The following DAB1 variants were observed in gnomAD, a reference collection of about 807,000 sequenced individuals.
The protein encoded by DAB1 is DAB adaptor protein 1, also known as disabled homolog 1.
In DAB1, 15 loss-of-function variants were observed where a neutral mutation model predicts 64.6. That is an observed-to-expected ratio of 0.23 (90% CI 0.16 to 0.36). The LOEUF (loss-of-function observed/expected upper bound fraction) is 0.36. DAB1 is among the 10% of genes least tolerant of loss of function. DAB1 has a pLI of 1.00. For missense variants in DAB1, 596 were observed against 706.7 expected (o/e 0.84, Z 1.78); for synonymous variants, 235 against 251.9 (o/e 0.93, Z 0.64).
chr1:57,018,353 G>C (rs1033308584), intron 11 of DAB1, among the ~76,000 whole-genome samples: 1 of 152,060 alleles, frequency 6.6e-6, no homozygotes, highest in Non-Finnish European at 1.5e-5. Flanking sequence ...CTACTTACAG[G>C]TATATACATC....
intron 1 of DAB1, chr1:58,534,369 A>C (rs764722422): frequency 1.3e-6 from 1 of 797,988 alleles, no homozygotes; most frequent in Non-Finnish European, 2.1e-6. Flanking sequence ...TTAAAAGAGC[A>C]CTACAAAATG....
chr1:57,067,869 T>C (rs1486385429), intron 8 of DAB1, among the ~76,000 whole-genome samples: 1 of 152,158 alleles, frequency 6.6e-6, no homozygotes, highest in East Asian at 1.9e-4. Flanking sequence ...ATTCTACACA[T>C]GAGCTTGTGA....
chr1:57,080,752 A>G (rs1225615989), intron 4 of DAB1, among the ~76,000 whole-genome samples: 2 of 138,754 alleles, frequency 1.4e-5, no homozygotes, highest in Admixed American at 7.0e-5. Context: ...ACACACACAC[A>G]CACGCACACA....
chr1:57,201,355 C>T (rs60372017), intron 2 of DAB1, among the ~76,000 whole-genome samples: 4,327 of 151,858 alleles, frequency 0.028, 230 homozygotes, highest in African/African-American at 0.099. Flanking sequence ...CCAAATCCTT[C>T]CCAGGAACCA....
intron 1 of DAB1, among the ~76,000 whole-genome samples, chr1:57,335,288 T>C (rs375525236): frequency 6.6e-6 from 1 of 151,852 alleles, no homozygotes; most frequent in Non-Finnish European, 1.5e-5. Flanking sequence ...AAATGGGACA[T>C]AGTTGAACAA....
intron 1 of DAB1, among the ~76,000 whole-genome samples, chr1:57,831,593 G>A (rs1166889255): frequency 1.4e-5 from 2 of 142,318 alleles, no homozygotes; most frequent in African/African-American, 5.2e-5. Context: ...CCAGGCTGGA[G>A]TGCAGTGACA....
chr1:57,517,783 T>G (rs929769316), intron 7 of DAB1, among the ~76,000 whole-genome samples: 1 of 152,222 alleles, frequency 6.6e-6, no homozygotes. Context: ...GTAACAATGA[T>G]AGCCACTACA....
chr1:57,528,514 T>C (rs1644619891), intron 7 of DAB1, among the ~76,000 whole-genome samples: 1 of 152,078 alleles, frequency 6.6e-6, no homozygotes, highest in Non-Finnish European at 1.5e-5. Context: ...TTTGATTTTT[T>C]AAAACGTGTA....
chr1:57,519,142 G>T (rs565999191), intron 7 of DAB1, among the ~76,000 whole-genome samples: 7 of 152,052 alleles, frequency 4.6e-5, no homozygotes, highest in Non-Finnish European at 7.3e-5. Context: ...CTATTACTTC[G>T]AGTCTCAGCA....
intron 7 of DAB1, among the ~76,000 whole-genome samples, chr1:57,541,932 G>T (rs1020680075): frequency 6.6e-6 from 1 of 152,128 alleles, no homozygotes; most frequent in Non-Finnish European, 1.5e-5. Context: ...TAAACCGCAG[G>T]GGGCTGTGCA....
intron 6 of DAB1, among the ~76,000 whole-genome samples, chr1:57,754,975 C>T (rs1648734043): frequency 6.6e-6 from 1 of 151,780 alleles, no homozygotes; most frequent in South Asian, 2.1e-4. Context: ...AAACTCAGTT[C>T]CCTGAATGAC....
At chr1:57,243,326 T>C (rs1303069834) in intron 2 of DAB1, among the ~76,000 whole-genome samples, 1 of 152,162 alleles carries the variant, frequency 6.6e-6, no homozygotes, top group Non-Finnish European at 1.5e-5. Flanking sequence ...AAAAAATCCA[T>C]AGAAGATTAG....
At chr1:57,197,286 A>C (rs1664701776) in intron 2 of DAB1, among the ~76,000 whole-genome samples, 1 of 151,928 alleles carries the variant, frequency 6.6e-6, no homozygotes, top group East Asian at 1.9e-4. Flanking sequence ...AGAGGTTGCT[A>C]TAAGGCAAAA....
At chr1:57,283,965 T>C (rs1342103647) in intron 2 of DAB1, among the ~76,000 whole-genome samples, 1 of 152,230 alleles carries the variant, frequency 6.6e-6, no homozygotes, top group Non-Finnish European at 1.5e-5. Context: ...AGAAGTTGTA[T>C]ATTCCAGAGA....
At chr1:57,694,458 T>G (rs1646800615) in intron 6 of DAB1, among the ~76,000 whole-genome samples, 1 of 152,004 alleles carries the variant, frequency 6.6e-6, no homozygotes, top group African/African-American at 2.4e-5. Context: ...TCACGGCAGA[T>G]AATATAGAGA....
At chr1:58,307,232 T>C (rs1662327678) in intron 4 of DAB1, among the ~76,000 whole-genome samples, 1 of 152,238 alleles carries the variant, frequency 6.6e-6, no homozygotes, top group Non-Finnish European at 1.5e-5. Context: ...AGCAGTCATC[T>C]AGTTCTGTTC....
At chr1:58,433,666 C>CA (rs1569778073) in intron 3 of DAB1, among the ~76,000 whole-genome samples, 1 of 100,602 alleles carries the variant, frequency 9.9e-6, no homozygotes, top group Non-Finnish European at 2.0e-5. Flanking sequence ...GGGGGGGAGG[C>CA]GGGGGAGAGA....
chr1:57,665,849 C>CTGTGTGTGTGTGTG (rs397862533), intron 6 of DAB1, among the ~76,000 whole-genome samples: 5 of 137,174 alleles, frequency 3.6e-5, no homozygotes, highest in African/African-American at 1.3e-4. Flanking sequence ...TTTTAATTAT[C>CTGTGTGTGTGTGTG]TGTGTGTGTG....
rs763574036 is a variant in DAB1 at position 58,291,133 on chromosome 1, G to A, written n.309+52219C>T. ...GAAGTAGCAACATGTCCTCGACATC[G>A]TAATACAGATGCTGTAATCATACAA... On this transcript the variant is annotated intron_variant and non_coding_transcript_variant, in intron 4 of 20. Coordinates refer to the DAB1 transcript ENST00000485760. 3.3e-5 allele frequency among the ~76,000 whole-genome samples: 5 copies of A among 152,152 alleles called. 1 individual carries two copies. The East Asian group carries it at 9.6e-4, about 29-fold the overall frequency.
Sources: allele counts gnomAD v4.1 joint callset (sites outside exome capture counted in the v4.1 genomes callset), GRCh38; gene constraint gnomAD v4.1.1; transcripts MANE v1.5; gene names NCBI Gene and HGNC (gene_info 2026-07-23, HGNC 2026-07-21).